UEVLD: variants seen among roughly 807,000 people sequenced by gnomAD.
The protein encoded by UEVLD is ubiquitin-conjugating enzyme E2 variant 3.
In UEVLD, 47 loss-of-function variants were observed where a neutral mutation model predicts 58.6. The observed-to-expected ratio is 0.80, with a 90% CI of 0.63 to 1.02. The LOEUF is 1.02. UEVLD is among the 50% of genes least tolerant of loss of function. UEVLD has a pLI of 0.00. For synonymous variants in UEVLD, 197 were observed against 195.3 expected (o/e 1.01, Z -0.07); for missense variants, 510 against 550.6 (o/e 0.93, Z 0.74).
intron 3 of UEVLD, among the ~76,000 whole-genome samples, chr11:18,574,728 TTC>T (rs1407929229): frequency 6.6e-6 from 1 of 152,202 alleles, no homozygotes; most frequent in Non-Finnish European, 1.5e-5. Context: ...CTTTAATGGC[TTC>T]TGTGTTGTAA....
intron 1 of UEVLD, among the ~76,000 whole-genome samples, chr11:18,581,162 CAAA>C (rs34170647): frequency 1.3e-4 from 11 of 82,898 alleles, no homozygotes; most frequent in Admixed American, 2.5e-4. Flanking sequence ...GACTCAGTCT[CAAA>C]AAAAAAAAAA....
intron 4 of UEVLD, among the ~76,000 whole-genome samples, chr11:18,567,465 A>G (rs531987652): frequency 6.6e-6 from 1 of 152,330 alleles, no homozygotes; most frequent in East Asian, 1.9e-4. Flanking sequence ...AGAGGCTATT[A>G]GGGCCAAGAA....
intron 6 of UEVLD, 133 bp from the exon 7 acceptor site, chr11:18,558,463 A>G: frequency 2.1e-6 from 1 of 465,934 alleles, no homozygotes; most frequent in African/African-American, 2.0e-5. Context: ...AGTAAGTAAC[A>G]CAATAGCAAT....
chr11:18,555,550 T>C (rs1851721997), intron 7 of UEVLD, among the ~76,000 whole-genome samples: 1 of 152,118 alleles, frequency 6.6e-6, no homozygotes, highest in East Asian at 1.9e-4. Context: ...ATTCTGCCAC[T>C]GCCCTCCATC....
chr11:18,572,239 A>G (rs1156468863), intron 3 of UEVLD, among the ~76,000 whole-genome samples: 1 of 152,224 alleles, frequency 6.6e-6, no homozygotes, highest in East Asian at 1.9e-4. Context: ...CCGTCTCAAA[A>G]AAAAAGTAAA....
intron 7 of UEVLD, among the ~76,000 whole-genome samples, chr11:18,548,282 A>G (rs932023215): frequency 1.3e-5 from 2 of 152,190 alleles, no homozygotes; most frequent in African/African-American, 4.8e-5. Context: ...CCGTGGCCAG[A>G]TGTTACCAAC....
At chr11:18,554,162 G>C (rs1476365983) in intron 7 of UEVLD, among the ~76,000 whole-genome samples, 12 of 152,044 alleles carry the variant, frequency 7.9e-5, no homozygotes, top group Admixed American at 7.9e-4. Context: ...CACGATCTCG[G>C]CTCAATGCAA....
intron 10 of UEVLD, among the ~76,000 whole-genome samples, chr11:18,535,873 A>T (rs1031750117): frequency 6.6e-6 from 1 of 152,204 alleles, no homozygotes; most frequent in East Asian, 1.9e-4. Context: ...ACGGTGGCTC[A>T]CACCTGTAAT....
intron 9 of UEVLD, among the ~76,000 whole-genome samples, chr11:18,541,129 T>A (rs1851035649): frequency 6.6e-6 from 1 of 152,252 alleles, no homozygotes; most frequent in South Asian, 2.1e-4. Flanking sequence ...GCCTGTATTT[T>A]CTCTTTATGA....
At chr11:18,558,363 C>T in intron 6 of UEVLD, 33 bp from the exon 7 acceptor site, 1 of 1,424,774 alleles carries the variant, frequency 7.0e-7, no homozygotes, top group Non-Finnish European at 9.7e-7. Flanking sequence ...TTACACTGAA[C>T]ATGGCCAGTG....
At chr11:18,564,079 A>G (rs1419479916) in intron 6 of UEVLD, 1 of 236,020 alleles carries the variant, frequency 4.2e-6, no homozygotes, top group Non-Finnish European at 9.2e-6. Context: ...CAGCATGCCA[A>G]AAGTTGGCAT....
chr11:18,535,194 A>C (rs1427735594), intron 10 of UEVLD, among the ~76,000 whole-genome samples: 1 of 152,172 alleles, frequency 6.6e-6, no homozygotes, highest in South Asian at 2.1e-4. Context: ...GTGTTGTCCA[A>C]GCTGGTCTCA....
At chr11:18,544,496 T>TG in intron 9 of UEVLD, 127 bp downstream of exon 9, 1 of 947,388 alleles carries the variant, frequency 1.1e-6, no homozygotes. Context: ...TTTGTAGAGA[T>TG]GGGGTCTTGC....
intron 3 of UEVLD, among the ~76,000 whole-genome samples, chr11:18,572,287 T>C (rs188521572): frequency 1.3e-5 from 2 of 152,126 alleles, no homozygotes; most frequent in Admixed American, 1.3e-4. Context: ...AAAATGAGTG[T>C]TTGAAGAAAA....
chr11:18,582,961 C>T (rs190226384), intron 1 of UEVLD, among the ~76,000 whole-genome samples: 66 of 152,256 alleles, frequency 4.3e-4, no homozygotes, highest in African/African-American at 1.5e-3. Context: ...CTCACCTTGT[C>T]GCCCAGGCTG....
intron 9 of UEVLD, among the ~76,000 whole-genome samples, chr11:18,542,644 A>G (rs1314228246): frequency 6.6e-6 from 1 of 152,068 alleles, no homozygotes; most frequent in East Asian, 1.9e-4. Context: ...TTTTTACTAC[A>G]CAGAAAACTA....
At chr11:18,559,143 GAATT>G (rs1390762629) in intron 6 of UEVLD, among the ~76,000 whole-genome samples, 1 of 151,744 alleles carries the variant, frequency 6.6e-6, no homozygotes, top group Non-Finnish European at 1.5e-5. Context: ...CAAAGTGCTG[GAATT>G]ACAGGTGTGA....
chr11:18,566,031 T>C lies in UEVLD; in HGVS notation c.493+316A>G, dbSNP rs984305466. 8.6e-4 allele frequency among the ~76,000 whole-genome samples: 130 copies of C among 151,334 alleles called. 1 individual carries two copies. Among genetic ancestry groups the C allele is most frequent in the African/African-American group, 3.0e-3 (124 of 41,292 alleles). ...TTCCCACCTCAGCCACCCAAGTAGC[T>C]GGGATTACAGGCACCTGCCACCACG... On this transcript the variant is annotated intron_variant, in intron 5 of 11. Coordinates refer to ENST00000396197, the MANE Select transcript of UEVLD (RefSeq NM_001040697.4).
chr11:18,532,664 T>C (rs1360574934), intron 11 of UEVLD, among the ~76,000 whole-genome samples, 177 bp from the exon 12 acceptor site: 1 of 152,224 alleles, frequency 6.6e-6, no homozygotes, highest in East Asian at 1.9e-4. Flanking sequence ...CAATCATTCA[T>C]TGATTCTATA....
Sources: gnomAD v4.1 joint callset for allele counts (sites outside exome capture counted in the v4.1 genomes callset) on GRCh38, gnomAD v4.1.1 for gene constraint, MANE v1.5 for transcripts, NCBI Gene and HGNC (gene_info 2026-07-23, HGNC 2026-07-21) for gene names.